Variants in PLXNA2 observed in about 807,000 individuals in gnomAD.
The protein encoded by PLXNA2 is plexin A2, also known as plexin-A2.
PLXNA2 carries 91 observed loss-of-function variants against 193.5 expected under a neutral mutation model. The ratio of observed to expected loss-of-function variants is 0.47; its 90% CI spans 0.40 to 0.56. The LOEUF is 0.56. Ranked by LOEUF, PLXNA2 falls within the 20% of genes least tolerant of loss-of-function variation. The pLI is 0.00. For missense variants in PLXNA2, 1,995 were observed against 2,503.2 expected, an observed-to-expected ratio of 0.80 and a Z score of 4.33; for synonymous variants, 997 against 1,027.3, an observed-to-expected ratio of 0.97 and a Z score of 0.56.
chr1:208,047,357 A>ACTGGGACAGAAGCTTGGTGT (rs1316241920), intron 17 of PLXNA2, among the ~76,000 whole-genome samples: 1 of 91,222 alleles, frequency 1.1e-5, no homozygotes, highest in Non-Finnish European at 2.4e-5. Context: ...CACAGAGTTC[A>ACTGGGACAGAAGCTTGGTGT]TGATATCTTT....
At chr1:208,146,507 A>G (rs1330445947) in intron 3 of PLXNA2, among the ~76,000 whole-genome samples, 1 of 152,204 alleles carries the variant, frequency 6.6e-6, no homozygotes, top group Non-Finnish European at 1.5e-5. Flanking sequence ...CTTGGAAGTG[A>G]CTAGGAAGAA....
intron 21 of PLXNA2, 56 bp from the exon 22 acceptor site, chr1:208,042,422 A>C: frequency 6.4e-7 from 1 of 1,574,160 alleles, no homozygotes. Context: ...CGGGCCTCCT[A>C]CCTGAGGGTC....
chr1:208,051,433 A>G lies in PLXNA2; in HGVS notation c.2994-10T>C. The G allele has an allele frequency of 6.2e-7, 1 of 1,603,876 alleles. No homozygotes were observed. Among genetic ancestry groups the G allele is most frequent in the Non-Finnish European group, 8.5e-7 (1 of 1,176,946 alleles). ...CTCACTCATTGACCTCCTGACAGGG[A>G]GACAGCAGGAGGGTTGAGAAGAAAG... On this transcript the variant is annotated splice_polypyrimidine_tract_variant and intron_variant, in intron 15 of 31. Transcript: ENST00000367033.
At chr1:208,029,565 C>G in intron 29 of PLXNA2, 4 of 990,282 alleles carry the variant, frequency 4.0e-6, no homozygotes, top group Non-Finnish European at 4.8e-6. Context: ...CTGGCTGGGC[C>G]GAGGAATGGG....
intron 3 of PLXNA2, among the ~76,000 whole-genome samples, chr1:208,200,095 A>C (rs1256280844): frequency 6.6e-6 from 1 of 152,208 alleles, no homozygotes; most frequent in Non-Finnish European, 1.5e-5. Context: ...CTTCCAGATT[A>C]GCTGGGGGAC....
In PLXNA2 at chr1:208,027,127, G is replaced by T. The variant is rs1664364656; in HGVS notation, c.*116C>A. 2.1e-6 allele frequency: 2 copies of T among 944,112 alleles called. No homozygotes were observed. Among genetic ancestry groups the T allele is most frequent in the Middle Eastern group, 3.4e-4 (1 of 2,978 alleles). The allele number at this position is 944,112 out of a possible 1,614,324, so 58.5% of individuals were successfully genotyped here. On this transcript the variant is annotated 3_prime_UTR_variant, in exon 32 of 32. Coordinates refer to ENST00000367033, the MANE Select transcript of PLXNA2 (RefSeq NM_025179.4). ...AGTCCTCCCCTCTCCCCAGGATGGG[G>T]TCTCAGGGGACAGCAAGCTCTGGGG...
chr1:208,200,574 CTTCT>C (rs1670514152), intron 3 of PLXNA2, among the ~76,000 whole-genome samples: 1 of 114,680 alleles, frequency 8.7e-6, no homozygotes, highest in African/African-American at 3.1e-5. Flanking sequence ...TATCCCAATC[CTTCT>C]TTTTTTTTTT....
At chr1:208,235,728 C>T (rs1052740924) in intron 1 of PLXNA2, among the ~76,000 whole-genome samples, 14 of 152,186 alleles carry the variant, frequency 9.2e-5, no homozygotes, top group Non-Finnish European at 4.4e-5. Context: ...CTGCTCTCAA[C>T]CATCTCAGTG....
intron 6 of PLXNA2, among the ~76,000 whole-genome samples, chr1:208,097,854 GT>G (rs1265894147): frequency 6.6e-6 from 1 of 151,902 alleles, no homozygotes; most frequent in Non-Finnish European, 1.5e-5. Flanking sequence ...GCGTAGGTAG[GT>G]TTCCCTTTGT....
chr1:208,123,361 C>T (rs947866332), intron 4 of PLXNA2, among the ~76,000 whole-genome samples: 2 of 152,220 alleles, frequency 1.3e-5, no homozygotes, highest in Non-Finnish European at 2.9e-5. Context: ...AGAAATCCCA[C>T]TGATCCAGTT....
At position 208,052,402 on chromosome 1, in the gene PLXNA2, G is replaced by A. The variant is rs773298902; in HGVS notation, c.2918C>T (p.Thr973Ile). The A allele has an allele frequency of 1.1e-5, 18 of 1,613,972 alleles. No individual in the cohort carries two copies. Among genetic ancestry groups the A allele is most frequent in the Non-Finnish European group, 1.4e-5 (16 of 1,179,962 alleles). The change falls in exon 15 of 32, where the codon ACC (threonine) becomes ATC (isoleucine). Residue 973 changes from threonine to isoleucine, a missense_variant. Thr to Ile is a moderately conservative substitution (Grantham distance 89, BLOSUM62 -1). Transcript: ENST00000367033. The part of the protein sequence containing the change: ...RGPESGGTMV[T>I]ITGHYLGAGS... ...AGCCCCAAGGTAATGGCCGGTAATG[G>A]TCACCATAGTGCCTCCTGACTCGGG...
At chr1:208,083,717 T>C (rs996980141) in intron 10 of PLXNA2, among the ~76,000 whole-genome samples, 2 of 152,124 alleles carry the variant, frequency 1.3e-5, no homozygotes, top group African/African-American at 4.8e-5. Context: ...AAAGATCTTC[T>C]TGGGGTTAGT....
intron 4 of PLXNA2, among the ~76,000 whole-genome samples, chr1:208,114,856 G>A (rs147428244): frequency 2.6e-5 from 4 of 152,330 alleles, no homozygotes; most frequent in East Asian, 1.9e-4. Context: ...GAGAGAGAGC[G>A]AGAGAGGGAA....
At chr1:208,103,899 G>GC (rs1029612659) in intron 4 of PLXNA2, among the ~76,000 whole-genome samples, 18 of 152,142 alleles carry the variant, frequency 1.2e-4, no homozygotes, top group Non-Finnish European at 2.2e-4. Flanking sequence ...TCAAGACCCT[G>GC]CCCCCCAGAG....
At chr1:208,129,765 C>T (rs1039799566) in intron 4 of PLXNA2, among the ~76,000 whole-genome samples, 1 of 152,160 alleles carries the variant, frequency 6.6e-6, no homozygotes, top group South Asian at 2.1e-4. Flanking sequence ...TAACTCACTA[C>T]TTACTTGTCT....
intron 1 of PLXNA2, among the ~76,000 whole-genome samples, chr1:208,226,940 T>C (rs1572054844): frequency 1.3e-5 from 2 of 152,236 alleles, no homozygotes; most frequent in African/African-American, 4.8e-5. Context: ...AGAAGCAGGC[T>C]GTGGGAGCAC....
In PLXNA2 at chr1:208,038,375, T is replaced by G. The variant is rs1226480004; in HGVS notation, c.4760A>C (p.Tyr1587Ser). The change falls in exon 26 of 32, where the codon TAT becomes TCT. Residue 1587 changes from tyrosine (Y) to serine (S), a missense_variant. Physicochemically the swap from Tyr to Ser is moderately radical, Grantham distance 144. Transcript: ENST00000367033. The surrounding 1 kb of genome is among the most constrained non-coding windows in gnomAD (Gnocchi z 4.1). ...DWKRLNTLMH[Y>S]QVSDRSVVAL... ...GGAAAAGACACCCCCTCTCACCTGA[T>G]AATGCATCAGTGTGTTGAGCCGCTT... 6.2e-7 allele frequency: 1 copy of G among 1,605,006 alleles called. No individual in the cohort carries two copies.
chr1:208,060,121 C>T (rs1442023283), intron 13 of PLXNA2, among the ~76,000 whole-genome samples: 1 of 152,194 alleles, frequency 6.6e-6, no homozygotes, highest in African/African-American at 2.4e-5. Flanking sequence ...CTCCTGCCCA[C>T]CAACTCCACA....
chr1:208,051,552 C>A (rs1259515871), intron 15 of PLXNA2, 129 bp from the exon 16 acceptor site: 2 of 678,002 alleles, frequency 2.9e-6, no homozygotes, highest in African/African-American at 3.7e-5. Flanking sequence ...CTTTTATATT[C>A]TACAACAATG....
Sources: allele counts gnomAD v4.1 joint callset (sites outside exome capture counted in the v4.1 genomes callset), GRCh38; gene constraint gnomAD v4.1.1; non-coding constraint Gnocchi (gnomAD v3.1); transcripts MANE v1.5; gene names NCBI Gene and HGNC (gene_info 2026-07-23, HGNC 2026-07-21).